RNLS: variants seen among roughly 807,000 people sequenced by gnomAD.
RNLS encodes the protein renalase, FAD dependent amine oxidase.
RNLS carries 39 observed loss-of-function variants against 39.8 expected under a neutral mutation model. That is an observed-to-expected ratio of 0.98 (90% CI 0.76 to 1.28). RNLS has a LOEUF of 1.28. RNLS is among the 50% of genes most tolerant of loss of function. The probability of loss-of-function intolerance (pLI) is 0.00; values close to 1 mark genes in which losing one functional copy is unlikely to be tolerated. For missense variants in RNLS, 410 were observed against 413.3 expected, an observed-to-expected ratio of 0.99 and a Z score of 0.07; for synonymous variants, 147 against 150.7, an observed-to-expected ratio of 0.98 and a Z score of 0.18.
chr10:88,200,905 C>T, the RNLS span, among the ~76,000 whole-genome samples: 2 of 152,018 alleles, frequency 1.3e-5, no homozygotes, highest in African/African-American at 4.8e-5. Context: ...ACTGGCTACT[C>T]TTAGGCTTCC....
intron 5 of RNLS, among the ~76,000 whole-genome samples, chr10:88,317,927 C>A (rs1034471391): frequency 1.3e-5 from 2 of 152,222 alleles, no homozygotes; most frequent in Non-Finnish European, 2.9e-5. Flanking sequence ...ACCCCTGCAA[C>A]AATTCACTGA....
intron 5 of RNLS, among the ~76,000 whole-genome samples, chr10:88,333,939 T>C (rs1429206985): frequency 6.6e-6 from 1 of 152,180 alleles, no homozygotes; most frequent in African/African-American, 2.4e-5. Context: ...ACCAGTATCT[T>C]GATCTTGAAT....
intron 4 of RNLS, among the ~76,000 whole-genome samples, chr10:88,507,538 G>A (rs776112506): frequency 1.3e-5 from 2 of 152,066 alleles, no homozygotes; most frequent in Non-Finnish European, 2.9e-5. Flanking sequence ...ATGATTTATG[G>A]CTCACTTTCT....
chr10:88,538,378 T>A (rs962394346), intron 4 of RNLS, among the ~76,000 whole-genome samples: 1 of 152,140 alleles, frequency 6.6e-6, no homozygotes, highest in Non-Finnish European at 1.5e-5. Context: ...TTCTAAGACT[T>A]CAAAAAATAC....
intron 4 of RNLS, among the ~76,000 whole-genome samples, chr10:88,443,700 C>G (rs1451928092): frequency 6.6e-6 from 1 of 152,220 alleles, no homozygotes; most frequent in Non-Finnish European, 1.5e-5. Context: ...CCCATGCCCA[C>G]AGAGCGTTGC....
the RNLS span, among the ~76,000 whole-genome samples, chr10:88,261,730 C>A: frequency 2.0e-5 from 3 of 152,016 alleles, no homozygotes; most frequent in African/African-American, 4.8e-5. Flanking sequence ...ACTTCAATAC[C>A]CCTAGTGCCC....
chr10:88,238,044 A>G, the RNLS span, among the ~76,000 whole-genome samples: 1 of 152,212 alleles, frequency 6.6e-6, no homozygotes, highest in African/African-American at 2.4e-5. Flanking sequence ...CAAACTAGGG[A>G]AAAATGTCTT....
intron 5 of RNLS, among the ~76,000 whole-genome samples, chr10:88,328,334 T>A (rs1456899973): frequency 6.6e-6 from 1 of 152,236 alleles, no homozygotes; most frequent in African/African-American, 2.4e-5. Context: ...TGATGGTAAA[T>A]TTGCCAATTT....
At chr10:88,189,606 T>C in the RNLS span, among the ~76,000 whole-genome samples, 3 of 152,200 alleles carry the variant, frequency 2.0e-5, no homozygotes, top group Non-Finnish European at 4.4e-5. Flanking sequence ...GGACTACTAC[T>C]GTTCTTATTC....
chr10:88,240,713 G>C, the RNLS span, among the ~76,000 whole-genome samples: 3 of 151,836 alleles, frequency 2.0e-5, no homozygotes, highest in African/African-American at 7.3e-5. Context: ...CTTTTCTCCA[G>C]CCTTTGACAT....
intron 5 of RNLS, among the ~76,000 whole-genome samples, chr10:88,359,028 C>A (rs1849419568): frequency 6.6e-6 from 1 of 152,124 alleles, no homozygotes. Flanking sequence ...AGAAACATCT[C>A]CTGGCCGGGT....
intron 4 of RNLS, among the ~76,000 whole-genome samples, chr10:88,506,784 A>T (rs1408501188): frequency 6.6e-6 from 1 of 152,116 alleles, no homozygotes; most frequent in Non-Finnish European, 1.5e-5. Flanking sequence ...TAAAAAACCA[A>T]AAAGTCAGAA....
chr10:88,552,286 C>A (rs1848638660), intron 4 of RNLS, among the ~76,000 whole-genome samples: 1 of 152,208 alleles, frequency 6.6e-6, no homozygotes, highest in Admixed American at 6.5e-5. Flanking sequence ...GTAAACAAAG[C>A]AGGGAAGCTC....
chr10:88,583,235 CG>C lies in RNLS; in HGVS notation c.-46del. On this transcript the variant is annotated 5_prime_UTR_variant, in exon 1 of 7. Coordinates refer to ENST00000331772, the MANE Select transcript of RNLS (RefSeq NM_001031709.3). Reference sequence around the variant, plus strand: ...CCGCGCTGAGTCTCTGCGGCGGGGCCGTTCGGCCCGGGCTTTCTGGAAAGGC... The same window carrying C: ...CCGCGCTGAGTCTCTGCGGCGGGGCCTTCGGCCCGGGCTTTCTGGAAAGGC... 1 of 1,607,518 alleles carries C rather than the reference CG, an allele frequency of 6.2e-7. No individual in the cohort carries two copies. Among genetic ancestry groups the C allele is most frequent in the South Asian group, 1.1e-5 (1 of 90,594 alleles).
At chr10:88,212,309 AC>A in the RNLS span, among the ~76,000 whole-genome samples, 7 of 152,254 alleles carry the variant, frequency 4.6e-5, no homozygotes, top group South Asian at 1.2e-3. Context: ...TCCTCTTGGT[AC>A]TTCCTACTTC....
At chr10:88,488,567 A>T (rs2134053512) in intron 4 of RNLS, among the ~76,000 whole-genome samples, 1 of 147,824 alleles carries the variant, frequency 6.8e-6, no homozygotes, top group African/African-American at 2.5e-5. Flanking sequence ...AAAAAAAAAA[A>T]GATCGGAAAT....
At chr10:88,554,730 G>T (rs1215144129) in intron 4 of RNLS, among the ~76,000 whole-genome samples, 3 of 151,884 alleles carry the variant, frequency 2.0e-5, no homozygotes, top group Non-Finnish European at 2.9e-5. Flanking sequence ...CCCATCTGAG[G>T]CCCATCCTCT....
At chr10:88,250,129 C>G in the RNLS span, among the ~76,000 whole-genome samples, 13 of 152,214 alleles carry the variant, frequency 8.5e-5, no homozygotes, top group African/African-American at 3.1e-4. Context: ...CGTGACTCAT[C>G]ATAGCATTTG....
At chr10:88,460,422 A>G (rs1842883037) in intron 4 of RNLS, among the ~76,000 whole-genome samples, 2 of 152,110 alleles carry the variant, frequency 1.3e-5, no homozygotes, top group Non-Finnish European at 1.5e-5. Flanking sequence ...AGCTTAAATG[A>G]CATTGCCTCC....
Sources: allele counts gnomAD v4.1 joint callset (sites outside exome capture counted in the v4.1 genomes callset), GRCh38; gene constraint gnomAD v4.1.1; transcripts MANE v1.5; gene names NCBI Gene and HGNC (gene_info 2026-07-23, HGNC 2026-07-21).